Variants in AHNAK2 observed in about 807,000 individuals in gnomAD.
AHNAK2 encodes AHNAK nucleoprotein 2, also known as protein AHNAK2.
A neutral mutation model predicts 30.7 loss-of-function variants in AHNAK2; 18 were observed. That is an observed-to-expected ratio of 0.59 (90% confidence interval 0.41 to 0.87). AHNAK2 has a LOEUF of 0.87. AHNAK2 is among the 40% of genes least tolerant of loss of function. AHNAK2 has a pLI of 0.00. For missense variants in AHNAK2, 8,604 were observed against 7,373.0 expected (o/e 1.17, Z -6.11); for synonymous variants, 3,590 against 3,073.8 (o/e 1.17, Z -5.56).
rs776287598 is a variant in AHNAK2, at chr14:104,945,006, G to A, written c.10445C>T (p.Ser3482Phe). The A allele has an allele frequency of 1.2e-6, 2 of 1,611,952 alleles. No homozygotes were observed. The highest frequency in any genetic ancestry group is 2.7e-5 in the African/African-American group (2 of 73,840). The change falls in exon 7 of 7, where the codon TCC (serine) becomes TTC (phenylalanine). Residue 3482 changes from serine to phenylalanine, a missense_variant. Transcript: ENST00000333244. ...KFKMPKFKMP[S>F]FGVSAPGRSI... ...CCTGCCTGGGGCCGACACCCCGAAG[G>A]AGGGCATCTTGAACTTGGGCATTTT...
Position 104,943,696 on chromosome 14 carries a change from T to C in AHNAK2, c.11755A>G (p.Lys3919Glu), listed in dbSNP as rs539060840. The C allele has an allele frequency of 2.5e-6, 4 of 1,612,828 alleles. No individual in the cohort carries two copies. Among genetic ancestry groups the C allele is most frequent in the South Asian group, 1.1e-5 (1 of 91,022 alleles). Reference protein sequence around the residue: ...KGPKLDLKDPKVEVTAPDVEV... With the variant: ...KGPKLDLKDPEVEVTAPDVEV... The stretch of plus-strand genomic sequence containing the variant: ...ACATCAGGGGCTGTCACTTCCACCT[T>C]GGGGTCTTTTAGGTCCAGCTTGGGG... The change falls in exon 7 of 7, where the codon AAG becomes GAG. Residue 3919 changes from lysine (K) to glutamate (E), a missense_variant. Lys to Glu is a moderately conservative substitution (Grantham distance 56, BLOSUM62 1). Transcript: ENST00000333244.
At position 104,939,712 on chromosome 14, in the gene AHNAK2, A is replaced by T; in HGVS notation, c.15739T>A (p.Ser5247Thr). The T allele has an allele frequency of 6.2e-7, 1 of 1,613,890 alleles. No homozygotes were observed. The highest frequency in any genetic ancestry group is 8.5e-7 in the Non-Finnish European group (1 of 1,179,896). ...GCATCTGCCTCTGGGAGCTGTAGGG[A>T]CATAGCTGCCTCCACGTTTGACCCA... Reference protein sequence around the residue: ...VSGSNVEAAMSLQLPEADAEV... With the variant: ...VSGSNVEAAMTLQLPEADAEV... The change falls in exon 7 of 7, where the codon TCC (serine) becomes ACC (threonine). Residue 5247 changes from serine to threonine, a missense_variant. Ser to Thr is a moderately conservative substitution (Grantham distance 58). Transcript: ENST00000333244.
rs1356317933 is a variant in AHNAK2 at position 104,940,055 on chromosome 14, G to A, written c.15396C>T (p.Asp5132=). ...LPKHDLSTEG[D]SRGCGLGDVP... is the part of the protein sequence containing the mutation. Reference sequence around the variant, plus strand: ...CATCCCCGAGCCCACATCCTCTGCTGTCACCTTCGGTAGACAGATCATGTT... The same window carrying A: ...CATCCCCGAGCCCACATCCTCTGCTATCACCTTCGGTAGACAGATCATGTT... Residue 5132 remains aspartate, a synonymous_variant, in exon 7 of 7, where the codon GAC becomes GAT. Coordinates refer to ENST00000333244, the MANE Select transcript of AHNAK2 (RefSeq NM_138420.4). The surrounding 1 kb of genome is among the most constrained non-coding windows in gnomAD (Gnocchi z 4.4). 3 of 1,610,936 alleles carry A rather than the reference G, an allele frequency of 1.9e-6. No individual in the cohort carries two copies. The highest frequency in any genetic ancestry group is 2.5e-6 in the Non-Finnish European group (3 of 1,177,978).
At position 104,946,982 on chromosome 14, in the gene AHNAK2, G is replaced by C. The variant is rs367598825; in HGVS notation, c.8469C>G (p.Phe2823Leu). The C allele has an allele frequency of 2.5e-6, 4 of 1,612,184 alleles. No homozygotes were observed. Among genetic ancestry groups the C allele is most frequent in the Non-Finnish European group, 3.4e-6 (4 of 1,179,566 alleles). ...TGGACTTGCCTGGGGCCGACACCCC[G>C]AATGACGGCATCTTGAACTTGGGCA... ...FKMPKFKMPS[F>L]GVSAPGKSIE... Residue 2823 changes from phenylalanine to leucine, a missense_variant, in exon 7 of 7, where the codon TTC becomes TTG. Physicochemically the swap from Phe to Leu is conservative, Grantham distance 22. Coordinates refer to ENST00000333244, the MANE Select transcript of AHNAK2 (RefSeq NM_138420.4).
chr14:104,939,778 C>A lies in AHNAK2; in HGVS notation c.15673G>T (p.Gly5225Trp), dbSNP rs1028851490. The A allele has an allele frequency of 6.2e-7, 1 of 1,613,754 alleles. No homozygotes were observed. The highest frequency in any genetic ancestry group is 1.7e-5 in the Admixed American group (1 of 60,030). ...VAQTQAPAAT[G>W]GEAAAKVKEF... ...TTGACTTTAGCTGCTGCTTCACCCC[C>A]TGTTGCTGCCGGTGCCTGTGTCTGA... is the stretch of plus-strand genomic sequence containing the variant. Residue 5225 changes from glycine (G) to tryptophan (W), a missense_variant, in exon 7 of 7, where the codon GGG becomes TGG. By Grantham distance (184) the Gly-to-Trp change is radical. Transcript: ENST00000333244.
In AHNAK2 at chr14:104,947,450, G is replaced by C. The variant is rs768068369; in HGVS notation, c.8001C>G (p.Ile2667Met). The C allele has an allele frequency of 4.3e-6, 7 of 1,612,240 alleles. No homozygotes were observed. Among genetic ancestry groups the C allele is most frequent in the Admixed American group, 1.7e-5 (1 of 59,876 alleles). Residue 2667 changes from isoleucine (I) to methionine (M), a missense_variant, in exon 7 of 7, where the codon ATC becomes ATG. By Grantham distance (10) the Ile-to-Met change is conservative (BLOSUM62 1). Coordinates refer to ENST00000333244, the MANE Select transcript of AHNAK2 (RefSeq NM_138420.4). ...GCTCAGACACATCCACCAACGCCTCGATGGACTCGCCTGGGGCCGACACCC... is the reference window on the plus strand; with the variant it reads ...GCTCAGACACATCCACCAACGCCTCCATGGACTCGCCTGGGGCCGACACCC... ...SFRVSAPGES[I>M]EALVDVSELK... is the part of the protein sequence containing the mutation.
Sources: gnomAD v4.1 joint callset for allele counts on GRCh38, gnomAD v4.1.1 for gene constraint, Gnocchi (gnomAD v3.1) non-coding constraint, MANE v1.5 for transcripts, NCBI Gene and HGNC (gene_info 2026-07-23, HGNC 2026-07-21) for gene names.